The following LRRIQ3 variants were observed in gnomAD, a reference collection of about 807,000 sequenced individuals.
LRRIQ3 encodes leucine-rich repeat and IQ domain-containing protein 3.
Under a neutral mutation model 59.3 loss-of-function variants are expected in LRRIQ3, and 75 were observed. The ratio of observed to expected loss-of-function variants is 1.26; its 90% CI spans 1.05 to 1.53. The LOEUF is 1.53. Among genes scored for constraint, LRRIQ3 ranks in the 40% most tolerant of loss-of-function variants. The probability of loss-of-function intolerance (pLI) is 0.00; values close to 1 mark genes in which losing one functional copy is unlikely to be tolerated. For missense variants in LRRIQ3, 831 were observed against 710.0 expected, an observed-to-expected ratio of 1.17 and a Z score of -1.94; for synonymous variants, 250 against 231.3, an observed-to-expected ratio of 1.08 and a Z score of -0.73.
chr1:74,112,251 G>A (rs1646706514), intron 4 of LRRIQ3, among the ~76,000 whole-genome samples: 1 of 152,090 alleles, frequency 6.6e-6, no homozygotes, highest in Non-Finnish European at 1.5e-5. Flanking sequence ...AACCTGAAGT[G>A]CTCTCCTCAT....
intron 5 of LRRIQ3, chr1:74,084,204 A>T (rs766164258): frequency 5.8e-6 from 9 of 1,539,402 alleles, no homozygotes; most frequent in South Asian, 2.4e-5. Context: ...TTGACCCATA[A>T]TTTTTTTTTA....
At chr1:74,145,101 C>T (rs1384733140) in intron 4 of LRRIQ3, among the ~76,000 whole-genome samples, 1 of 152,070 alleles carries the variant, frequency 6.6e-6, no homozygotes, top group Non-Finnish European at 1.5e-5. Flanking sequence ...GGTACCTCTA[C>T]TAATGTTGTT....
rs951343632 is a variant in LRRIQ3, at chr1:74,092,884, G to A, written c.867+16510C>T. 5.3e-5 allele frequency among the ~76,000 whole-genome samples: 8 copies of A among 152,106 alleles called. No individual in the cohort carries two copies. The East Asian group carries it at 1.6e-3, about 30-fold the overall frequency. ...CAAAGGTGTAAATGTCTGCAGGAAA[G>A]ATGAGATTAAGAATTTTGTCTTCCC... On this transcript the variant is annotated intron_variant, in intron 5 of 7. Coordinates refer to ENST00000354431, the MANE Select transcript of LRRIQ3 (RefSeq NM_001105659.2).
At chr1:74,152,206 T>G (rs183796667) in intron 4 of LRRIQ3, among the ~76,000 whole-genome samples, 10 of 152,026 alleles carry the variant, frequency 6.6e-5, no homozygotes, top group African/African-American at 2.4e-4. Context: ...ATTTAAAAAC[T>G]AATTTTATAT....
intron 4 of LRRIQ3, among the ~76,000 whole-genome samples, chr1:74,145,847 G>A (rs1429758621): frequency 6.6e-6 from 1 of 151,930 alleles, no homozygotes; most frequent in African/African-American, 2.4e-5. Flanking sequence ...ACTGCTGTGA[G>A]GATCAAATGA....
At chr1:74,177,518 G>T (rs957510317) in intron 3 of LRRIQ3, among the ~76,000 whole-genome samples, 1 of 151,998 alleles carries the variant, frequency 6.6e-6, no homozygotes, top group African/African-American at 2.4e-5. Context: ...GGAAAATGAA[G>T]AATTTACCAC....
intron 4 of LRRIQ3, among the ~76,000 whole-genome samples, chr1:74,143,318 T>C (rs1446759107): frequency 1.3e-4 from 19 of 151,960 alleles, no homozygotes; most frequent in Admixed American, 1.2e-3. Flanking sequence ...AGTTTTTGGT[T>C]GACAAATAGT....
At chr1:74,173,084 G>A (rs1253845081) in intron 3 of LRRIQ3, among the ~76,000 whole-genome samples, 1 of 151,886 alleles carries the variant, frequency 6.6e-6, no homozygotes. Flanking sequence ...GGTGGACCAC[G>A]AGGTCAAGAG....
intron 4 of LRRIQ3, among the ~76,000 whole-genome samples, chr1:74,122,689 T>C (rs1570153695): frequency 1.3e-5 from 2 of 152,034 alleles, no homozygotes; most frequent in East Asian, 3.9e-4. Context: ...CAAGATGGAT[T>C]AAAGACTTAA....
intron 1 of LRRIQ3, among the ~76,000 whole-genome samples, chr1:74,187,410 G>C (rs995977559): frequency 1.3e-5 from 2 of 150,752 alleles, no homozygotes; most frequent in African/African-American, 4.9e-5. Context: ...GCCACAAAAA[G>C]GAACAAAACA....
At chr1:74,038,135 G>A (rs1653928965) in intron 7 of LRRIQ3, among the ~76,000 whole-genome samples, 1 of 152,186 alleles carries the variant, frequency 6.6e-6, no homozygotes, top group Non-Finnish European at 1.5e-5. Context: ...GAGCCAGGGA[G>A]TCTGGATAGC....
chr1:74,096,819 AC>A (rs772759923), intron 5 of LRRIQ3, among the ~76,000 whole-genome samples: 2 of 152,060 alleles, frequency 1.3e-5, no homozygotes, highest in Non-Finnish European at 2.9e-5. Context: ...TCCACTCCAG[AC>A]CCTATTTGCC....
chr1:74,102,059 TAA>T (rs11304358), intron 5 of LRRIQ3, among the ~76,000 whole-genome samples: 17 of 139,184 alleles, frequency 1.2e-4, no homozygotes, highest in African/African-American at 3.7e-4. Flanking sequence ...AAAGTATAAT[TAA>T]AAAAAAAAAA....
intron 4 of LRRIQ3, among the ~76,000 whole-genome samples, chr1:74,112,108 G>A (rs991474720): frequency 2.0e-5 from 3 of 152,066 alleles, no homozygotes; most frequent in Non-Finnish European, 2.9e-5. Context: ...GAAGACTAGA[G>A]ACTGCTGTCA....
chr1:74,072,553 C>T lies in LRRIQ3; in HGVS notation c.997+2108G>A, dbSNP rs140931624. 3.3e-5 allele frequency among the ~76,000 whole-genome samples: 5 copies of T among 151,570 alleles called. No homozygotes were observed. In the East Asian group the frequency reaches 7.8e-4, roughly 24 times the overall value. On this transcript the variant is annotated intron_variant, in intron 6 of 7. Transcript: ENST00000354431. Reference sequence around the variant, plus strand: ...TTTTTATCACGTTCTTAAATTTCTTCATATTTGGGCTTGTGAACAAAGAAG... The same window carrying T: ...TTTTTATCACGTTCTTAAATTTCTTTATATTTGGGCTTGTGAACAAAGAAG...
At chr1:74,196,077 T>C (rs1651098709) in intron 1 of LRRIQ3, among the ~76,000 whole-genome samples, 1 of 152,074 alleles carries the variant, frequency 6.6e-6, no homozygotes, top group Non-Finnish European at 1.5e-5. Context: ...GCTGATAATA[T>C]GGTATATTTA....
intron 6 of LRRIQ3, among the ~76,000 whole-genome samples, chr1:74,056,043 G>A (rs1181061645): frequency 6.6e-6 from 1 of 151,662 alleles, no homozygotes; most frequent in Non-Finnish European, 1.5e-5. Flanking sequence ...TACTCAGGAG[G>A]CTGAGGCAGG....
At chr1:74,194,828 T>C (rs1650996514) in intron 1 of LRRIQ3, among the ~76,000 whole-genome samples, 1 of 152,324 alleles carries the variant, frequency 6.6e-6, no homozygotes, top group East Asian at 1.9e-4. Context: ...CATTAATACC[T>C]TTTTCTTAAG....
rs1646519428 is a variant in LRRIQ3 at position 74,100,840 on chromosome 1, A to G, written c.867+8554T>C. Among the ~76,000 whole-genome samples, 3 of 152,190 alleles carry G rather than the reference A, an allele frequency of 2.0e-5. No homozygotes were observed. In the South Asian group the frequency reaches 6.2e-4, roughly 32 times the overall value. ...TCCCTATTTAATACATGATGCTGGG[A>G]AAACTGGCTAGCCATATGTAGAAAG... On this transcript the variant is annotated intron_variant, in intron 5 of 7. Transcript: ENST00000354431.
Sources: allele counts gnomAD v4.1 joint callset (sites outside exome capture counted in the v4.1 genomes callset), GRCh38; gene constraint gnomAD v4.1.1; transcripts MANE v1.5; gene names NCBI Gene and HGNC (gene_info 2026-07-23, HGNC 2026-07-21).